The following CHD7 variants were observed in gnomAD, a reference collection of about 807,000 sequenced individuals.
The protein encoded by CHD7 is chromodomain helicase DNA binding protein 7, also known as ATP-dependent chromatin remodeler CHD7.
In CHD7, 24 loss-of-function variants were observed where a neutral mutation model predicts 307.3. The ratio of observed to expected loss-of-function variants is 0.08; its 90% confidence interval spans 0.06 to 0.11. The LOEUF is 0.11. Among genes scored for constraint, CHD7 ranks in the 10% least tolerant of loss-of-function variants. CHD7 has a pLI of 1.00. For synonymous variants in CHD7, 1,363 were observed against 1,349.9 expected (o/e 1.01, Z -0.21); for missense variants, 3,106 against 3,727.1 (o/e 0.83, Z 4.34).
intron 2 of CHD7, among the ~76,000 whole-genome samples, chr8:60,778,549 T>A (rs1811060369): frequency 6.6e-6 from 1 of 152,244 alleles, no homozygotes; most frequent in Non-Finnish European, 1.5e-5. Flanking sequence ...GAATCTCTCA[T>A]TAGAAGCTGG....
Position 60,696,757 on chromosome 8 carries a change from A to G in CHD7, c.-175+17675A>G, listed in dbSNP as rs550695264. Among the ~76,000 whole-genome samples, 4 of 152,194 alleles carry G rather than the reference A, an allele frequency of 2.6e-5. No individual in the cohort carries two copies. In the East Asian group the frequency reaches 7.7e-4, roughly 29 times the overall value. On this transcript the variant is annotated intron_variant, in intron 1 of 37. Coordinates refer to ENST00000423902, the MANE Select transcript of CHD7 (RefSeq NM_017780.4). The stretch of plus-strand genomic sequence containing the variant: ...CAGTTTTTCAGTAATTTTGTGGTAT[A>G]GACAGGAAAATCTTTTTTTAGGTAC...
intron 1 of CHD7, among the ~76,000 whole-genome samples, chr8:60,701,357 ACTGTCCCTT>A (rs1242933840): frequency 6.6e-6 from 1 of 152,140 alleles, no homozygotes; most frequent in African/African-American, 2.4e-5. Context: ...TTATTTGCGG[ACTGTCCCTT>A]TTGTTTCCCA....
chr8:60,686,270 C>G (rs1369358861), intron 1 of CHD7, among the ~76,000 whole-genome samples: 2 of 151,914 alleles, frequency 1.3e-5, no homozygotes, highest in Admixed American at 6.6e-5. Flanking sequence ...GCACTAACTT[C>G]AGCTTCAGAT....
At chr8:60,712,965 C>A (rs537222900) in intron 1 of CHD7, among the ~76,000 whole-genome samples, 13 of 148,318 alleles carry the variant, frequency 8.8e-5, no homozygotes, top group Admixed American at 7.4e-4. Flanking sequence ...ACAGGAGAAT[C>A]GCTTGAACCC....
chr8:60,829,825 G>T (rs1467781535), intron 14 of CHD7, among the ~76,000 whole-genome samples: 1 of 152,144 alleles, frequency 6.6e-6, no homozygotes, highest in East Asian at 1.9e-4. Context: ...AAACTGTATG[G>T]ATTACTCAGT....
Position 60,822,685 on chromosome 8 carries a change from A to G in CHD7, c.3140A>G (p.His1047Arg), listed in dbSNP as rs1804100617. 6.2e-7 allele frequency: 1 copy of G among 1,613,728 alleles called. No homozygotes were observed. The highest frequency in any genetic ancestry group is 1.7e-5 in the Admixed American group (1 of 60,000). ...TWTELNVVVY[H>R]GSQASRRTIQ... ...ACAGAGTTGAACGTGGTTGTGTATC[A>G]TGGGAGTCAAGCTAGTCGTCGGACC... is the stretch of plus-strand genomic sequence containing the variant. Residue 1047 changes from histidine (H) to arginine (R), a missense_variant, in exon 12 of 38, where the codon CAT becomes CGT. His to Arg is a conservative substitution (Grantham distance 29). This residue lies in a region of CHD7 where 232 missense variants were observed against 422.5 expected (regional missense o/e 0.55). Coordinates refer to ENST00000423902, the MANE Select transcript of CHD7 (RefSeq NM_017780.4).
At chr8:60,686,855 G>A (rs1805925226) in intron 1 of CHD7, among the ~76,000 whole-genome samples, 2 of 152,200 alleles carry the variant, frequency 1.3e-5, no homozygotes, top group African/African-American at 4.8e-5. Context: ...TCTGCAGCAA[G>A]TTTGGGGAAC....
At chr8:60,851,208 A>G in intron 27 of CHD7, 54 bp from the exon 28 acceptor site, 1 of 1,522,446 alleles carries the variant, frequency 6.6e-7, no homozygotes. Context: ...TTAAAAGACA[A>G]AGAAAAATGA....
At chr8:60,802,191 C>G (rs943097449) in intron 6 of CHD7, among the ~76,000 whole-genome samples, 1 of 152,234 alleles carries the variant, frequency 6.6e-6, no homozygotes, top group Non-Finnish European at 1.5e-5. Context: ...TGTCACTAGC[C>G]TGCTAGCTTT....
intron 2 of CHD7, among the ~76,000 whole-genome samples, chr8:60,766,833 T>G (rs971899536): frequency 6.6e-6 from 1 of 152,022 alleles, no homozygotes; most frequent in Non-Finnish European, 1.5e-5. Flanking sequence ...AATAGAGAAG[T>G]CTAGAGTTGA....
At chr8:60,760,899 T>C (rs1810163226) in intron 2 of CHD7, among the ~76,000 whole-genome samples, 1 of 152,184 alleles carries the variant, frequency 6.6e-6, no homozygotes, top group Non-Finnish European at 1.5e-5. Context: ...GGTGGGGCTG[T>C]CAACTAGTTC....
chr8:60,851,193 T>G (rs570452232), intron 27 of CHD7, 69 bp from the exon 28 acceptor site: 1 of 1,504,802 alleles, frequency 6.6e-7, no homozygotes, highest in African/African-American at 1.4e-5. Flanking sequence ...ATAATGACCT[T>G]TTCTTTAAAA....
chr8:60,707,470 C>T (rs972713522), intron 1 of CHD7, among the ~76,000 whole-genome samples: 1 of 152,184 alleles, frequency 6.6e-6, no homozygotes, highest in African/African-American at 2.4e-5. Flanking sequence ...AGATGTCTGT[C>T]TTAATGTAAC....
At chr8:60,721,756 T>C (rs564723266) in intron 1 of CHD7, among the ~76,000 whole-genome samples, 2 of 152,242 alleles carry the variant, frequency 1.3e-5, no homozygotes, top group South Asian at 4.1e-4. Context: ...TTAGATGGTG[T>C]GTCGGAGAGG....
chr8:60,685,206 C>G (rs1668031517), intron 1 of CHD7, among the ~76,000 whole-genome samples: 1 of 152,138 alleles, frequency 6.6e-6, no homozygotes, highest in Non-Finnish European at 1.5e-5. Flanking sequence ...TAGTGGCATT[C>G]CAGAACTTTA....
At chr8:60,860,846 A>T (rs1192186041) in intron 34 of CHD7, 58 bp from the exon 35 acceptor site, 2 of 1,254,618 alleles carry the variant, frequency 1.6e-6, no homozygotes, top group African/African-American at 1.5e-5. Flanking sequence ...TTGAAATAGG[A>T]CATTGTCAGA....
chr8:60,849,221 A>G lies in CHD7; in HGVS notation c.5404+67A>G, dbSNP rs16926500. The G allele has an allele frequency of 3.8e-3, 3,712 of 986,126 alleles. 97 individuals are homozygous for G. The African/African-American group carries it at 0.054, about 14-fold the overall frequency. 61.1% of individuals were successfully genotyped at this position (986,126 alleles called of 1,614,324 possible). On this transcript the variant is annotated intron_variant, in intron 25 of 37. Coordinates refer to ENST00000423902, the MANE Select transcript of CHD7 (RefSeq NM_017780.4). ...TTGGTCTTTATTTAGAACTCTTTAC[A>G]TACTCTTTTCCAAAGTCATAATATT...
At chr8:60,725,824 A>G (rs1367102252) in intron 1 of CHD7, among the ~76,000 whole-genome samples, 1 of 152,186 alleles carries the variant, frequency 6.6e-6, no homozygotes, top group Non-Finnish European at 1.5e-5. Flanking sequence ...TTTTAGGACC[A>G]ACACACTCCA....
chr8:60,848,911 C>G (rs915413081), intron 24 of CHD7, 140 bp from the exon 25 acceptor site: 16 of 722,084 alleles, frequency 2.2e-5, no homozygotes, highest in Non-Finnish European at 1.2e-5. Flanking sequence ...TGACTCATGC[C>G]CTTTCTTTTA....
Sources: allele counts gnomAD v4.1 joint callset (sites outside exome capture counted in the v4.1 genomes callset), GRCh38; gene constraint gnomAD v4.1.1; regional missense constraint gnomAD v4.1.1; transcripts MANE v1.5; gene names NCBI Gene and HGNC (gene_info 2026-07-23, HGNC 2026-07-21).